The following LACTB variants were observed in gnomAD, a reference collection of about 807,000 sequenced individuals.
LACTB encodes the protein lactamase beta, also known as serine beta-lactamase-like protein LACTB, mitochondrial.
Under a neutral mutation model 50.2 loss-of-function variants are expected in LACTB, and 35 were observed. That is an observed-to-expected ratio of 0.70 (90% confidence interval 0.53 to 0.92). The LOEUF (loss-of-function observed/expected upper bound fraction) is 0.92. LACTB is among the 40% of genes least tolerant of loss of function. LACTB has a pLI of 0.00. For synonymous variants in LACTB, 252 were observed against 268.2 expected, an observed-to-expected ratio of 0.94 and a Z score of 0.59; for missense variants, 664 against 691.8, an observed-to-expected ratio of 0.96 and a Z score of 0.45.
chr15:63,125,563 TATATAA>T (rs1398727102), intron 2 of LACTB, among the ~76,000 whole-genome samples: 1 of 152,244 alleles, frequency 6.6e-6, no homozygotes, highest in Non-Finnish European at 1.5e-5. Context: ...AATCAAAAAT[TATATAA>T]ATGTCAGCTT....
intron 5 of LACTB, 123 bp downstream of exon 5, chr15:63,129,773 AC>A (rs779091674): frequency 2.2e-5 from 29 of 1,294,288 alleles, no homozygotes; most frequent in Non-Finnish European, 2.9e-5. Flanking sequence ...GAGCTTTTCT[AC>A]ATGTCTGTTT....
At chr15:63,126,520 A>C (rs2037055612) in intron 2 of LACTB, among the ~76,000 whole-genome samples, 1 of 152,210 alleles carries the variant, frequency 6.6e-6, no homozygotes, top group African/African-American at 2.4e-5. Flanking sequence ...ATATAATCTG[A>C]AGAAGAATAA....
intron 2 of LACTB, among the ~76,000 whole-genome samples, chr15:63,125,078 A>G (rs1011849716): frequency 3.3e-5 from 5 of 152,258 alleles, no homozygotes; most frequent in African/African-American, 9.6e-5. Flanking sequence ...CCCAGCGCTT[A>G]GGGAGTCCAG....
At position 63,127,603 on chromosome 15, in the gene LACTB, A is replaced by T; in HGVS notation, c.866A>T (p.Gln289Leu). The change falls in exon 4 of 6, where the codon CAA becomes CTA. Residue 289 changes from glutamine (Q) to leucine (L), a missense_variant. Transcript: ENST00000261893. ...KPGKKKNDFE[Q>L]GELYLREKFE... ...GGCAAGAAAAAGAATGATTTTGAAC[A>T]AGGCGAATTATATTTGAGAGAAAAG... 6.2e-7 allele frequency: 1 copy of T among 1,613,104 alleles called. No homozygotes were observed. The highest frequency in any genetic ancestry group is 8.5e-7 in the Non-Finnish European group (1 of 1,179,324).
At chr15:63,141,035 C>T in intron 5 of LACTB, 1 of 984,682 alleles carries the variant, frequency 1.0e-6, no homozygotes, top group South Asian at 4.7e-5. Flanking sequence ...CATGGACAAG[C>T]CATACCAATA....
At position 63,122,003 on chromosome 15, in the gene LACTB, CGGGCTG is replaced by C; in HGVS notation, c.146_151del (p.Gly49_Leu50del). On this transcript the variant is annotated inframe_deletion, in exon 1 of 6. Coordinates refer to ENST00000261893, the MANE Select transcript of LACTB (RefSeq NM_032857.5). The stretch of plus-strand genomic sequence containing the variant: ...TCGGCCACGGCTGGGTCGGGGGCCT[CGGGCTG>C]GGGCTGGGGCTGGCGCTCGGGGTGA... 4.4e-6 allele frequency: 6 copies of C among 1,367,088 alleles called. No individual in the cohort carries two copies. The highest frequency in any genetic ancestry group is 1.8e-5 in the South Asian group (1 of 56,868). The allele number at this position is 1,367,088 out of a possible 1,614,324, so 84.7% of individuals were successfully genotyped here. A position where few individuals can be genotyped will look rare whatever the true frequency, so the allele number is the denominator to read the frequency against.
At chr15:63,122,451 T>A (rs1435412665) in intron 1 of LACTB, 185 bp from the exon 2 acceptor site, 2 of 695,800 alleles carry the variant, frequency 2.9e-6, no homozygotes, top group Non-Finnish European at 5.0e-6. Flanking sequence ...CCCTTCCCCC[T>A]AGGGGGCGGA....
chr15:63,122,262 G>A lies in LACTB; in HGVS notation c.357+34G>A, dbSNP rs750402358. The A allele has an allele frequency of 4.7e-6, 7 of 1,493,258 alleles. No individual in the cohort carries two copies. The African/African-American group carries it at 8.4e-5, about 18-fold the overall frequency. 92.5% of individuals were successfully genotyped at this position (1,493,258 alleles called of 1,614,324 possible). On this transcript the variant is annotated intron_variant, in intron 1 of 5. Transcript: ENST00000261893. ...ACTGGAGCGGGGGGCGTAGGGGGCC[G>A]GGGATCCACCCCTGTCGGCGGTGCT...
rs1157958756 is a variant in LACTB, at chr15:63,126,848, T to C, written c.425-11T>C. The C allele has an allele frequency of 6.8e-7, 1 of 1,480,170 alleles. No individual in the cohort carries two copies. The highest frequency in any genetic ancestry group is 1.4e-5 in the South Asian group (1 of 70,734). The allele number at this position is 1,480,170 out of a possible 1,614,324, so 91.7% of individuals were successfully genotyped here. On this transcript the variant is annotated splice_polypyrimidine_tract_variant and intron_variant, in intron 2 of 5. Transcript: ENST00000261893. ...CTGTTAATAGTGACTTTTTGCTTTT[T>C]TCCCCCAAAGGTTTAGGTTATGCTG...
At chr15:63,134,128 C>A (rs991288190) in intron 5 of LACTB, among the ~76,000 whole-genome samples, 1 of 151,968 alleles carries the variant, frequency 6.6e-6, no homozygotes, top group Non-Finnish European at 1.5e-5. Flanking sequence ...TTACTCCTCT[C>A]TCTTCATACC....
Position 63,141,674 on chromosome 15 carries a change from A to T in LACTB, c.1513A>T (p.Thr505Ser). Residue 505 changes from threonine to serine, a missense_variant, in exon 6 of 6, where the codon ACA (threonine) becomes TCA (serine). By Grantham distance (58) the Thr-to-Ser change is moderately conservative (BLOSUM62 1). Coordinates refer to ENST00000261893, the MANE Select transcript of LACTB (RefSeq NM_032857.5). ...VLLVLPEELD[T>S]ETINNKVPPR... is the part of the protein sequence containing the mutation. ...GCTGGTCCTTCCTGAAGAACTGGATACAGAGACTATAAATAACAAGGTTCC... is the reference window on the plus strand; with the variant it reads ...GCTGGTCCTTCCTGAAGAACTGGATTCAGAGACTATAAATAACAAGGTTCC... 6.2e-7 allele frequency: 1 copy of T among 1,614,200 alleles called. No individual in the cohort carries two copies. Among genetic ancestry groups the T allele is most frequent in the African/African-American group, 1.3e-5 (1 of 75,042 alleles).
Position 63,126,984 on chromosome 15 carries a change from G to A in LACTB, c.550G>A (p.Asp184Asn). The change falls in exon 3 of 6, where the codon GAT becomes AAT. Residue 184 changes from aspartate to asparagine, a missense_variant. By Grantham distance (23) the Asp-to-Asn change is conservative. Coordinates refer to ENST00000261893, the MANE Select transcript of LACTB (RefSeq NM_032857.5). ...CAAATTGTGGGAAGCAGGGAAACTG[G>A]ATCTTGATATTCCAGTACAACATTA... ...LAKLWEAGKL[D>N]LDIPVQHYVP... 1.9e-6 allele frequency: 3 copies of A among 1,613,610 alleles called. No individual in the cohort carries two copies. The highest frequency in any genetic ancestry group is 2.5e-6 in the Non-Finnish European group (3 of 1,179,738).
chr15:63,122,907 A>G (rs1221893591), intron 2 of LACTB, among the ~76,000 whole-genome samples: 1 of 152,190 alleles, frequency 6.6e-6, no homozygotes, highest in African/African-American at 2.4e-5. Context: ...AGTCATGAGG[A>G]TGGCTACCCA....
At chr15:63,122,342 C>A in intron 1 of LACTB, 114 bp downstream of exon 1, 2 of 921,256 alleles carry the variant, frequency 2.2e-6, no homozygotes, top group Non-Finnish European at 3.2e-6. Context: ...GATCGGCTTC[C>A]GAGAAAGACT....
intron 1 of LACTB, 140 bp downstream of exon 1, chr15:63,122,368 G>A: frequency 2.5e-6 from 2 of 804,560 alleles, no homozygotes; most frequent in Non-Finnish European, 1.9e-6. Flanking sequence ...TTTCCCCACC[G>A]CCGAGCCGTG....
At chr15:63,140,541 G>T (rs1397168732) in intron 5 of LACTB, among the ~76,000 whole-genome samples, 1 of 152,138 alleles carries the variant, frequency 6.6e-6, no homozygotes, top group Admixed American at 6.5e-5. Context: ...TAAGAATCTT[G>T]AAAAAAGAAG....
chr15:63,129,614 A>G lies in LACTB; in HGVS notation c.1082A>G (p.Gln361Arg), dbSNP rs2037103037. The G allele has an allele frequency of 2.5e-6, 4 of 1,610,842 alleles. No individual in the cohort carries two copies. Among genetic ancestry groups the G allele is most frequent in the Non-Finnish European group, 3.4e-6 (4 of 1,178,718 alleles). Residue 361 changes from glutamine to arginine, a missense_variant, in exon 5 of 6, where the codon CAG becomes CGG. By Grantham distance (43) the Gln-to-Arg change is conservative. Coordinates refer to ENST00000261893, the MANE Select transcript of LACTB (RefSeq NM_032857.5). The stretch of plus-strand genomic sequence containing the variant: ...GACTTGGATATGCTGACGACTGTGC[A>G]GGAAGAAAACGAGCCAGTGATTTAC... ...FHDLDMLTTV[Q>R]EENEPVIYNR...
Position 63,122,047 on chromosome 15 carries a change from G to C in LACTB, c.176G>C (p.Gly59Ala), listed in dbSNP as rs2036978304. Reference protein sequence around the residue: ...GLALGVKLAGGLRGAAPAQSP... With the variant: ...GLALGVKLAGALRGAAPAQSP... Reference sequence around the variant, plus strand: ...GCGCTCGGGGTGAAGCTGGCAGGTGGGCTGAGGGGCGCGGCCCCGGCGCAG... The same window carrying C: ...GCGCTCGGGGTGAAGCTGGCAGGTGCGCTGAGGGGCGCGGCCCCGGCGCAG... Residue 59 changes from glycine to alanine, a missense_variant, in exon 1 of 6, where the codon GGG (glycine) becomes GCG (alanine). Transcript: ENST00000261893. 2 of 1,425,486 alleles carry C rather than the reference G, an allele frequency of 1.4e-6. No individual in the cohort carries two copies. Among genetic ancestry groups the C allele is most frequent in the Non-Finnish European group, 9.1e-7 (1 of 1,098,568 alleles). 88.3% of individuals were successfully genotyped at this position (1,425,486 alleles called of 1,614,324 possible). A position where few individuals can be genotyped will look rare whatever the true frequency, so the allele number is the denominator to read the frequency against.
chr15:63,139,327 G>A (rs1566993913), intron 5 of LACTB, among the ~76,000 whole-genome samples: 1 of 151,588 alleles, frequency 6.6e-6, no homozygotes, highest in Non-Finnish European at 1.5e-5. Context: ...CTGCACTCCA[G>A]CCTGGGCACC....
Sources: allele counts gnomAD v4.1 joint callset (sites outside exome capture counted in the v4.1 genomes callset), GRCh38; gene constraint gnomAD v4.1.1; transcripts MANE v1.5; gene names NCBI Gene and HGNC (gene_info 2026-07-23, HGNC 2026-07-21).